DEF8: variants seen among roughly 807,000 people sequenced by gnomAD.
DEF8 encodes DEF-8.
In DEF8, 38 loss-of-function variants were observed where a neutral mutation model predicts 59.1. That is an observed-to-expected ratio of 0.64 (90% CI 0.50 to 0.84). DEF8 has a LOEUF of 0.84. DEF8 is among the 40% of genes least tolerant of loss of function. The pLI is 0.00. For synonymous variants in DEF8, 265 were observed against 250.1 expected (o/e 1.06, Z -0.56); for missense variants, 557 against 615.2 (o/e 0.91, Z 1.00).
intron 4 of DEF8, among the ~76,000 whole-genome samples, chr16:89,955,951 T>C (rs2033099404): frequency 6.6e-6 from 1 of 151,742 alleles, no homozygotes; most frequent in South Asian, 2.1e-4. Flanking sequence ...CACATGCCTG[T>C]AGTCCCAGCT....
At chr16:89,959,756 C>T (rs367900728) in intron 6 of DEF8, among the ~76,000 whole-genome samples, 1 of 152,182 alleles carries the variant, frequency 6.6e-6, no homozygotes. Context: ...CTCGGCCTCC[C>T]AAAGTGCTGG....
intron 2 of DEF8, chr16:89,952,665 C>G (rs1211850797): frequency 6.6e-6 from 1 of 152,386 alleles, no homozygotes; most frequent in Non-Finnish European, 1.5e-5. Context: ...GACTCTGTGA[C>G]CCACCCACAG....
chr16:89,963,251 T>C, intron 9 of DEF8, 112 bp from the exon 10 acceptor site: 1 of 816,626 alleles, frequency 1.2e-6, no homozygotes, highest in South Asian at 1.8e-5. Flanking sequence ...TCTCGGCCCT[T>C]CGTGGGGAAC....
In DEF8 at chr16:89,954,252, T is replaced by C. The variant is rs1469157549; in HGVS notation, c.-1T>C. 1 of 1,612,298 alleles carries C rather than the reference T, an allele frequency of 6.2e-7. No individual in the cohort carries two copies. On this transcript the variant is annotated 5_prime_UTR_variant, in exon 3 of 13. Transcript: ENST00000563594. The surrounding 1 kb of genome is among the most constrained non-coding windows in gnomAD (Gnocchi z 4.3). Reference sequence around the variant, plus strand: ...CCTGCCTGGCCCTCAGGTGGGATGCTATGGAATATGATGAGAAGCTGGCCC... The same window carrying C: ...CCTGCCTGGCCCTCAGGTGGGATGCCATGGAATATGATGAGAAGCTGGCCC...
chr16:89,949,434 G>T lies in DEF8; in HGVS notation c.-90G>T. Reference sequence around the variant, plus strand: ...CCCTGCAGCAGGTGCCGAACCCACGGCCAGGCTTCCGTGGCCAGCAGCCCT... The same window carrying T: ...CCCTGCAGCAGGTGCCGAACCCACGTCCAGGCTTCCGTGGCCAGCAGCCCT... On this transcript the variant is annotated 5_prime_UTR_variant, in exon 2 of 13. Transcript: ENST00000563594. 4 of 1,607,576 alleles carry T rather than the reference G, an allele frequency of 2.5e-6. No homozygotes were observed. Among genetic ancestry groups the T allele is most frequent in the Non-Finnish European group, 3.4e-6 (4 of 1,178,558 alleles).
chr16:89,959,465 G>C (rs375830820), intron 6 of DEF8: 1 of 750,400 alleles, frequency 1.3e-6, no homozygotes. Context: ...AAGGCATCAC[G>C]TGACTTTGTT....
chr16:89,965,839 C>T (rs761900201), intron 12 of DEF8, 22 bp from the exon 13 acceptor site: 146 of 1,565,034 alleles, frequency 9.3e-5, no homozygotes, highest in Admixed American at 1.9e-4. Flanking sequence ...TGCAGAGAGC[C>T]CCGACCTCTT....
rs2032674750 is a variant in DEF8 at position 89,954,024 on chromosome 16, T to A, written c.-10-219T>A. 1.1e-5 allele frequency: 6 copies of A among 564,214 alleles called. No homozygotes were observed. In the Admixed American group the frequency reaches 2.1e-4, roughly 19 times the overall value. 35.0% of individuals were successfully genotyped at this position (564,214 alleles called of 1,614,324 possible). A position where few individuals can be genotyped will look rare whatever the true frequency, so the allele number is the denominator to read the frequency against. ...TGGGACCCTCATTGTCACCGTGAGC[T>A]CTTTCCAAGGGGACGCCACCAGTGG... On this transcript the variant is annotated intron_variant, in intron 2 of 12. Transcript: ENST00000563594. This position sits in a 1 kb window ranked among gnomAD's most constrained non-coding sequence, Gnocchi z 4.3.
Position 89,967,458 on chromosome 16 carries a change from C to G in DEF8, c.*1495C>G, listed in dbSNP as rs1419698389. On this transcript the variant is annotated 3_prime_UTR_variant, in exon 13 of 13. Coordinates refer to ENST00000563594, the MANE Select transcript of DEF8 (RefSeq NM_001242818.2). ...TGGCTTTAGGCAAGGTTCTTATTGT[C>G]TGCTCTGCCTCGGTTTCCCCATCTG... 4 of 398,546 alleles carry G rather than the reference C, an allele frequency of 1.0e-5. No individual in the cohort carries two copies. Among genetic ancestry groups the G allele is most frequent in the African/African-American group, 8.2e-5 (4 of 48,632 alleles). 24.7% of individuals were successfully genotyped at this position (398,546 alleles called of 1,614,324 possible). A position where few individuals can be genotyped will look rare whatever the true frequency, so the allele number is the denominator to read the frequency against.
In DEF8 at chr16:89,966,311, AG is replaced by A. The variant is rs2151229472; in HGVS notation, c.*349del. On this transcript the variant is annotated 3_prime_UTR_variant, in exon 13 of 13. Transcript: ENST00000563594. Reference sequence around the variant, plus strand: ...CCCTGGACCAGGGCATCCGGGCCCTAGAAATTCCACAGCTCCCGTCCTGGCC... The same window carrying A: ...CCCTGGACCAGGGCATCCGGGCCCTAAAATTCCACAGCTCCCGTCCTGGCC... 1 of 196,232 alleles carries A rather than the reference AG, an allele frequency of 5.1e-6. No homozygotes were observed. Among genetic ancestry groups the A allele is most frequent in the East Asian group, 1.5e-4 (1 of 6,896 alleles). The allele number at this position is 196,232 out of a possible 1,614,324, so 12.2% of individuals were successfully genotyped here. A position where few individuals can be genotyped will look rare whatever the true frequency, so the allele number is the denominator to read the frequency against.
At chr16:89,948,989 A>T (rs559926519) in intron 1 of DEF8, among the ~76,000 whole-genome samples, 175 bp downstream of exon 1, 5 of 38,976 alleles carry the variant, frequency 1.3e-4, no homozygotes, top group South Asian at 1.1e-3. Flanking sequence ...GCCGGCGGGG[A>T]CGGGGCCGGC....
At chr16:89,953,573 A>G (rs2032587052) in intron 2 of DEF8, among the ~76,000 whole-genome samples, 1 of 152,212 alleles carries the variant, frequency 6.6e-6, no homozygotes, top group African/African-American at 2.4e-5. Context: ...AACCCAGGCC[A>G]GAGAGCCTGG....
chr16:89,964,344 C>G, intron 11 of DEF8, 34 bp downstream of exon 11: 1 of 1,560,120 alleles, frequency 6.4e-7, no homozygotes, highest in Non-Finnish European at 8.7e-7. Flanking sequence ...TCTTCTCCAA[C>G]CCCAGCCCTG....
intron 6 of DEF8, 108 bp from the exon 7 acceptor site, chr16:89,960,823 C>T: frequency 8.6e-7 from 1 of 1,165,268 alleles, no homozygotes; most frequent in Non-Finnish European, 1.2e-6. Context: ...TTAGATTGAT[C>T]TGGGCCTCAG....
chr16:89,964,249 T>TTTTAATGATAC lies in DEF8; in HGVS notation c.1082_1083insTTTAATGATAC (p.Gly362LeufsTer79). 1 of 1,373,354 alleles carries TTTTAATGATAC rather than the reference T, an allele frequency of 7.3e-7. No homozygotes were observed. The highest frequency in any genetic ancestry group is 9.4e-7 in the Non-Finnish European group (1 of 1,059,434). 85.1% of individuals were successfully genotyped at this position (1,373,354 alleles called of 1,614,324 possible). A position where few individuals can be genotyped will look rare whatever the true frequency, so the allele number is the denominator to read the frequency against. On this transcript the variant is annotated frameshift_variant, in exon 11 of 13. Transcript: ENST00000563594. LOFTEE classifies it high-confidence loss of function. ...CTCCTGGACGTGCATGCCGGCCGCCTGGGCTGCTCGCTCACCGAGATCCAC... is the reference window on the plus strand; with the variant it reads ...CTCCTGGACGTGCATGCCGGCCGCCTTTTAATGATACGGGCTGCTCGCTCACCGAGATCCAC...
chr16:89,954,186 G>A lies in DEF8; in HGVS notation c.-10-57G>A. ...ACCCCAGTGTGGTTGGGGAAAGGGG[G>A]TGGTCCGTGGTGAGCCTGGTACCTG... On this transcript the variant is annotated intron_variant, in intron 2 of 12. Transcript: ENST00000563594. This position sits in a 1 kb window ranked among gnomAD's most constrained non-coding sequence, Gnocchi z 4.3. The A allele has an allele frequency of 6.3e-7, 1 of 1,582,688 alleles. No individual in the cohort carries two copies. The highest frequency in any genetic ancestry group is 8.6e-7 in the Non-Finnish European group (1 of 1,163,456).
Position 89,961,730 on chromosome 16 carries a change from C to T in DEF8, c.680-7C>T, listed in dbSNP as rs2034051652. 4 of 1,613,074 alleles carry T rather than the reference C, an allele frequency of 2.5e-6. No homozygotes were observed. The highest frequency in any genetic ancestry group is 3.4e-6 in the Non-Finnish European group (4 of 1,179,994). On this transcript the variant is annotated splice_polypyrimidine_tract_variant and splice_region_variant and intron_variant, in intron 7 of 12. Coordinates refer to ENST00000563594, the MANE Select transcript of DEF8 (RefSeq NM_001242818.2). Reference sequence around the variant, plus strand: ...CAGGGACACTCAGGGCCCCTCTGACCCTGCAGGGGGTGTGCCCAGTGAGGC... The same window carrying T: ...CAGGGACACTCAGGGCCCCTCTGACTCTGCAGGGGGTGTGCCCAGTGAGGC...
At chr16:89,958,867 G>A (rs2033639482) in intron 5 of DEF8, 147 bp from the exon 6 acceptor site, 5 of 1,466,560 alleles carry the variant, frequency 3.4e-6, no homozygotes, top group Non-Finnish European at 4.5e-6. Flanking sequence ...TACTGTGAAA[G>A]GGAGAAAAGG....
intron 6 of DEF8, among the ~76,000 whole-genome samples, chr16:89,959,930 G>A (rs1216762632): frequency 6.6e-6 from 1 of 152,126 alleles, no homozygotes; most frequent in African/African-American, 2.4e-5. Context: ...AGAGAGCCAG[G>A]TGTGGCTGCA....
Sources: gnomAD v4.1 joint callset for allele counts (sites outside exome capture counted in the v4.1 genomes callset) on GRCh38, gnomAD v4.1.1 for gene constraint, Gnocchi (gnomAD v3.1) non-coding constraint, MANE v1.5 for transcripts, NCBI Gene and HGNC (gene_info 2026-07-23, HGNC 2026-07-21) for gene names.